The following SCO1 variants were observed in gnomAD, a reference collection of about 807,000 sequenced individuals.
The protein encoded by SCO1 is synthesis of cytochrome C oxidase 1.
SCO1 carries 23 observed loss-of-function variants against 34.0 expected under a neutral mutation model. That is an observed-to-expected ratio of 0.68 (90% CI 0.49 to 0.96). The LOEUF (loss-of-function observed/expected upper bound fraction) is 0.96. Ranked by LOEUF, SCO1 falls within the 40% of genes least tolerant of loss-of-function variation. The probability of loss-of-function intolerance (pLI) is 0.00; values close to 1 mark genes in which losing one functional copy is unlikely to be tolerated. For missense variants in SCO1, 404 were observed against 381.6 expected, an observed-to-expected ratio of 1.06 and a Z score of -0.49; for synonymous variants, 161 against 145.5, an observed-to-expected ratio of 1.11 and a Z score of -0.77.
chr17:10,673,040 T>G lies in SCO1; in HGVS notation c.*8079A>C, dbSNP rs56363722. On this transcript the variant is annotated 3_prime_UTR_variant, in exon 6 of 6. Coordinates refer to ENST00000255390, the MANE Select transcript of SCO1 (RefSeq NM_004589.4). ...TTTTTTTTGAGATGGAGTCTTGCCCTGTTGCCAGGCTGGAGTGCAGTGGCA... is the reference window on the plus strand; with the variant it reads ...TTTTTTTTGAGATGGAGTCTTGCCCGGTTGCCAGGCTGGAGTGCAGTGGCA... The G allele has an allele frequency of 0.47, 69,323 of 149,038 alleles. 16,458 individuals carry two copies. Among genetic ancestry groups the G allele is most frequent in the East Asian group, 0.56 (2,846 of 5,040 alleles). 9.2% of individuals were successfully genotyped at this position (149,038 alleles called of 1,614,324 possible).
intron 1 of SCO1, among the ~76,000 whole-genome samples, chr17:10,696,337 C>A (rs1406520021): frequency 1.3e-5 from 2 of 151,382 alleles, no homozygotes; most frequent in South Asian, 2.1e-4. Context: ...CCCAGCTACA[C>A]GGGAGGCTGA....
At chr17:10,684,374 C>G (rs1220093887) in intron 5 of SCO1, among the ~76,000 whole-genome samples, 1 of 152,136 alleles carries the variant, frequency 6.6e-6, no homozygotes, top group African/African-American at 2.4e-5. Flanking sequence ...CAACACTAAC[C>G]AGGCAAGGCA....
intron 5 of SCO1, among the ~76,000 whole-genome samples, chr17:10,685,933 A>C (rs1306100137): frequency 6.6e-6 from 1 of 152,224 alleles, no homozygotes; most frequent in African/African-American, 2.4e-5. Context: ...TCATCTTTTA[A>C]AAAACTGCTT....
In SCO1 at chr17:10,680,851, G is replaced by A. The variant is rs1426565752; in HGVS notation, c.*268C>T. On this transcript the variant is annotated 3_prime_UTR_variant, in exon 6 of 6. Coordinates refer to ENST00000255390, the MANE Select transcript of SCO1 (RefSeq NM_004589.4). ...CTCGCCCCGCCATGTCCTTCCACAG[G>A]TGGGCTCTTCACTGGCTTCACTTCA... is the stretch of plus-strand genomic sequence containing the variant. 1 of 513,492 alleles carries A rather than the reference G, an allele frequency of 1.9e-6. No homozygotes were observed. The highest frequency in any genetic ancestry group is 3.6e-5 in the East Asian group (1 of 27,416). The allele number at this position is 513,492 out of a possible 1,614,324, so 31.8% of individuals were successfully genotyped here.
chr17:10,685,138 A>C (rs1029246932), intron 5 of SCO1, among the ~76,000 whole-genome samples: 2 of 152,200 alleles, frequency 1.3e-5, no homozygotes, highest in Non-Finnish European at 2.9e-5. Context: ...CTGTTGAGAC[A>C]AAGCACTGCA....
intron 5 of SCO1, among the ~76,000 whole-genome samples, chr17:10,684,848 G>A (rs903144994): frequency 6.6e-6 from 1 of 152,194 alleles, no homozygotes; most frequent in African/African-American, 2.4e-5. Context: ...GTGGCTCTCT[G>A]CTCTTCTCTC....
Position 10,691,946 on chromosome 17 carries a change from G to C in SCO1, c.581C>G (p.Pro194Arg), listed in dbSNP as rs764046556. The change falls in exon 4 of 6, where the codon CCA becomes CGA. Residue 194 changes from proline (P) to arginine (R), a missense_variant. Physicochemically the swap from Pro to Arg is moderately radical, Grantham distance 103 (BLOSUM62 -2). Coordinates refer to ENST00000255390, the MANE Select transcript of SCO1 (RefSeq NM_004589.4). ...VDEIDSITTL[P>R]DLTPLFISID... ...GCTGATGAAAAGTGGAGTTAGATCT[G>C]GCAGAGTTGTAATGCTATCTGAAAG... 1.9e-6 allele frequency: 3 copies of C among 1,612,718 alleles called. No homozygotes were observed. The highest frequency in any genetic ancestry group is 4.5e-5 in the East Asian group (2 of 44,876).
intron 5 of SCO1, among the ~76,000 whole-genome samples, chr17:10,682,794 C>A (rs1792520375): frequency 6.6e-6 from 1 of 152,214 alleles, no homozygotes; most frequent in Non-Finnish European, 1.5e-5. Flanking sequence ...CATTAACTGA[C>A]AAATTCTTTC....
At position 10,680,820 on chromosome 17, in the gene SCO1, C is replaced by T. The variant is rs1567572776; in HGVS notation, c.*299G>A. The T allele has an allele frequency of 4.4e-6, 2 of 458,664 alleles. No homozygotes were observed. Among genetic ancestry groups the T allele is most frequent in the Non-Finnish European group, 8.0e-6 (2 of 250,334 alleles). The allele number at this position is 458,664 out of a possible 1,614,324, so 28.4% of individuals were successfully genotyped here. ...CTGTTCGCAGGCAGGAATGCACTGG[C>T]TGTGCCTCGCCCCGCCATGTCCTTC... On this transcript the variant is annotated 3_prime_UTR_variant, in exon 6 of 6. Coordinates refer to ENST00000255390, the MANE Select transcript of SCO1 (RefSeq NM_004589.4).
In SCO1 at chr17:10,697,437, G is replaced by A. The variant is rs1221880587; in HGVS notation, c.71C>T (p.Pro24Leu). ...TGGGCCCCAAAACTCGAGTCCGCGA[G>A]GCAAGAAGCGCCAAAGTTGGCCACC... ...PLGGQLWRFL[P>L]RGLEFWGPAE... The change falls in exon 1 of 6, where the codon CCT becomes CTT. Residue 24 changes from proline to leucine, a missense_variant. Physicochemically the swap from Pro to Leu is moderately conservative, Grantham distance 98. Coordinates refer to ENST00000255390, the MANE Select transcript of SCO1 (RefSeq NM_004589.4). The A allele has an allele frequency of 1.9e-6, 3 of 1,612,480 alleles. No homozygotes were observed. Among genetic ancestry groups the A allele is most frequent in the South Asian group, 1.1e-5 (1 of 90,836 alleles).
At chr17:10,683,638 A>T (rs1007090501) in intron 5 of SCO1, among the ~76,000 whole-genome samples, 1 of 151,884 alleles carries the variant, frequency 6.6e-6, no homozygotes, top group Non-Finnish European at 1.5e-5. Context: ...TACAATTCAC[A>T]TTTCTTTTAT....
chr17:10,683,602 G>A (rs1044222478), intron 5 of SCO1, among the ~76,000 whole-genome samples: 1 of 151,986 alleles, frequency 6.6e-6, no homozygotes, highest in Non-Finnish European at 1.5e-5. Flanking sequence ...CCACTGCTGA[G>A]CCAAGAGAAA....
chr17:10,692,028 A>G (rs2074693348), intron 3 of SCO1, 64 bp from the exon 4 acceptor site: 1 of 1,158,656 alleles, frequency 8.6e-7, no homozygotes, highest in East Asian at 2.3e-5. Flanking sequence ...AAAACCAGCA[A>G]TAACAGGAGA....
At chr17:10,684,464 C>T (rs775604231) in intron 5 of SCO1, among the ~76,000 whole-genome samples, 6 of 152,186 alleles carry the variant, frequency 3.9e-5, no homozygotes, top group Non-Finnish European at 5.9e-5. Context: ...TATGTGATAG[C>T]AGTCTGACCA....
chr17:10,673,312 C>T lies in SCO1; in HGVS notation c.*7807G>A, dbSNP rs1418833206. On this transcript the variant is annotated 3_prime_UTR_variant, in exon 6 of 6. Transcript: ENST00000255390. ...CTCTCCAGGGCCTACTTTTTATATC[C>T]CTCGTACTCAGCTTAACATAGGTAT... is the stretch of plus-strand genomic sequence containing the variant. 2 of 152,088 alleles carry T rather than the reference C, an allele frequency of 1.3e-5. No homozygotes were observed. Among genetic ancestry groups the T allele is most frequent in the East Asian group, 1.9e-4 (1 of 5,184 alleles). The allele number at this position is 152,088 out of a possible 1,614,324, so 9.4% of individuals were successfully genotyped here.
At chr17:10,691,834 A>T in intron 4 of SCO1, 38 bp downstream of exon 4, 1 of 1,373,660 alleles carries the variant, frequency 7.3e-7, no homozygotes, top group Non-Finnish European at 1.0e-6. Flanking sequence ...CAAAAACTTT[A>T]AGGCTAAATA....
Position 10,678,206 on chromosome 17 carries a change from G to A in SCO1, c.*2913C>T, listed in dbSNP as rs1292595157. 2 of 152,126 alleles carry A rather than the reference G, an allele frequency of 1.3e-5. No homozygotes were observed. Among genetic ancestry groups the A allele is most frequent in the Non-Finnish European group, 1.5e-5 (1 of 68,038 alleles). The allele number at this position is 152,126 out of a possible 1,614,324, so 9.4% of individuals were successfully genotyped here. On this transcript the variant is annotated 3_prime_UTR_variant, in exon 6 of 6. Coordinates refer to ENST00000255390, the MANE Select transcript of SCO1 (RefSeq NM_004589.4). ...TGCCCCACTGGCATACGGAACCTCC[G>A]TTTTGGTTGGATTCACACAGTCACC...
intron 5 of SCO1, among the ~76,000 whole-genome samples, chr17:10,682,210 A>C (rs546801538): frequency 8.5e-5 from 13 of 152,386 alleles, no homozygotes; most frequent in African/African-American, 3.1e-4. Flanking sequence ...AAAGAAAGAC[A>C]GGAATGTGAC....
At chr17:10,681,587 A>C (rs757785128) in intron 5 of SCO1, among the ~76,000 whole-genome samples, 1 of 152,238 alleles carries the variant, frequency 6.6e-6, no homozygotes, top group Non-Finnish European at 1.5e-5. Flanking sequence ...TTCATAAAGC[A>C]GTCAATGTTT....
Sources: allele counts gnomAD v4.1 joint callset (sites outside exome capture counted in the v4.1 genomes callset), GRCh38; gene constraint gnomAD v4.1.1; transcripts MANE v1.5; gene names NCBI Gene and HGNC (gene_info 2026-07-23, HGNC 2026-07-21).